ASTN2: variants seen among roughly 807,000 people sequenced by gnomAD.
The protein encoded by ASTN2 is astrotactin-2.
Under a neutral mutation model 139.8 loss-of-function variants are expected in ASTN2, and 54 were observed. The ratio of observed to expected loss-of-function variants is 0.39; its 90% CI spans 0.31 to 0.48. The LOEUF (loss-of-function observed/expected upper bound fraction) is 0.48. Among genes scored for constraint, ASTN2 ranks in the 20% least tolerant of loss-of-function variants. The probability of loss-of-function intolerance (pLI) is 0.95; values close to 1 mark genes in which losing one functional copy is unlikely to be tolerated. For synonymous variants in ASTN2, 756 were observed against 719.5 expected, an observed-to-expected ratio of 1.05 and a Z score of -0.81; for missense variants, 1,565 against 1,725.1, an observed-to-expected ratio of 0.91 and a Z score of 1.64.
chr9:117,109,289 T>A (rs113295990), intron 4 of ASTN2, among the ~76,000 whole-genome samples: 9,274 of 111,016 alleles, frequency 0.084, 610 homozygotes, highest in East Asian at 0.26. Context: ...CTCAAAAAAT[T>A]AATTAATAAA....
intron 4 of ASTN2, among the ~76,000 whole-genome samples, chr9:117,112,714 T>C (rs936880631): frequency 6.6e-6 from 1 of 151,958 alleles, no homozygotes; most frequent in Non-Finnish European, 1.5e-5. Flanking sequence ...AGGTCATAGA[T>C]AGAAAACAAA....
At position 116,733,449 on chromosome 9, in the gene ASTN2, T is replaced by C; in HGVS notation, c.2471A>G (p.Gln824Arg). 6.2e-7 allele frequency: 1 copy of C among 1,614,168 alleles called. No individual in the cohort carries two copies. Among genetic ancestry groups the C allele is most frequent in the East Asian group, 2.2e-5 (1 of 44,868 alleles). Residue 824 changes from glutamine to arginine, a missense_variant, in exon 14 of 23, where the codon CAG becomes CGG. By Grantham distance (43) the Gln-to-Arg change is conservative. Transcript: ENST00000313400. ...LLVIPLPVEE[Q>R]CRGVLSEPLP... ...GGGCTCGGAGAGGACCCCCCGGCAC[T>C]GCTCCTCCACCGGCAGCGGGATCAC...
At chr9:117,150,312 T>C (rs899561211) in intron 3 of ASTN2, among the ~76,000 whole-genome samples, 1 of 152,134 alleles carries the variant, frequency 6.6e-6, no homozygotes, top group Non-Finnish European at 1.5e-5. Context: ...GCAAAACACT[T>C]TCACCTCCCT....
chr9:117,410,120 A>C (rs1426366657), intron 1 of ASTN2, among the ~76,000 whole-genome samples: 1 of 152,192 alleles, frequency 6.6e-6, no homozygotes, highest in Non-Finnish European at 1.5e-5. Flanking sequence ...CAAATTACTA[A>C]AAAATGTTGA....
intron 5 of ASTN2, among the ~76,000 whole-genome samples, chr9:117,084,362 G>T (rs1050523563): frequency 1.3e-5 from 2 of 152,134 alleles, no homozygotes; most frequent in African/African-American, 4.8e-5. Flanking sequence ...ACCACAAACA[G>T]CTGAACATTT....
chr9:116,434,799 G>A (rs1423243810), intron 22 of ASTN2, among the ~76,000 whole-genome samples: 2 of 152,150 alleles, frequency 1.3e-5, no homozygotes. Context: ...TCTTCTTTGA[G>A]CAGCTGTTTG....
chr9:117,273,102 G>A lies in ASTN2; in HGVS notation c.630+18224C>T, dbSNP rs368669547. 1.1e-4 allele frequency among the ~76,000 whole-genome samples: 16 copies of A among 152,306 alleles called. No individual in the cohort carries two copies. The East Asian group carries it at 2.3e-3, about 22-fold the overall frequency. On this transcript the variant is annotated intron_variant, in intron 2 of 22. Coordinates refer to ENST00000313400, the MANE Select transcript of ASTN2 (RefSeq NM_001365068.1). ...TTTGACTTACAGTTCCACATGGCTGGGGATGTCTCTTAATCATGGTGGAGG... is the reference window on the plus strand; with the variant it reads ...TTTGACTTACAGTTCCACATGGCTGAGGATGTCTCTTAATCATGGTGGAGG...
chr9:116,702,887 T>G (rs1435544106), intron 16 of ASTN2, among the ~76,000 whole-genome samples: 1 of 152,172 alleles, frequency 6.6e-6, no homozygotes, highest in South Asian at 2.1e-4. Context: ...GCACTCTTAT[T>G]CCAATCAGTA....
At chr9:117,391,872 T>G (rs1207242267) in intron 1 of ASTN2, among the ~76,000 whole-genome samples, 1 of 152,096 alleles carries the variant, frequency 6.6e-6, no homozygotes, top group Non-Finnish European at 1.5e-5. Context: ...CCATTCCAAA[T>G]GGGAGAAATT....
intron 17 of ASTN2, among the ~76,000 whole-genome samples, chr9:116,636,466 GGA>G (rs1857078707): frequency 6.6e-6 from 1 of 152,140 alleles, no homozygotes; most frequent in Non-Finnish European, 1.5e-5. Context: ...CCTGAGGTCA[GGA>G]GTCCTAGACT....
rs1417968375 is a variant in ASTN2 at position 116,674,053 on chromosome 9, C to T, written c.2807-22260G>A. On this transcript the variant is annotated intron_variant, in intron 16 of 22. Transcript: ENST00000313400. ...TGGTAACAGCTCTTTCCAAAGCAGA[C>T]CTCCTTCTTGCCTGGGGACTAGATT... 5.1e-4 allele frequency among the ~76,000 whole-genome samples: 78 copies of T among 152,190 alleles called. 2 individuals are homozygous for T. The highest frequency in any genetic ancestry group is 7.3e-5 in the Non-Finnish European group (5 of 68,034).
intron 1 of ASTN2, among the ~76,000 whole-genome samples, chr9:117,310,409 G>A (rs554362850): frequency 6.8e-4 from 103 of 152,102 alleles, no homozygotes; most frequent in African/African-American, 2.1e-3. Flanking sequence ...CTTCCTTGGC[G>A]CTCGTCTTTC....
intron 7 of ASTN2, among the ~76,000 whole-genome samples, chr9:116,996,568 G>A (rs1837022542): frequency 2.0e-5 from 3 of 152,048 alleles, no homozygotes; most frequent in African/African-American, 7.2e-5. Context: ...ATAAGGAGGA[G>A]TGAACCAACT....
intron 1 of ASTN2, among the ~76,000 whole-genome samples, chr9:117,326,265 T>C (rs1380628100): frequency 6.6e-6 from 1 of 152,126 alleles, no homozygotes; most frequent in Non-Finnish European, 1.5e-5. Flanking sequence ...CTAATTTTAG[T>C]CCAGTGCCTT....
At chr9:116,946,944 A>AAAAC (rs1427233304) in intron 10 of ASTN2, among the ~76,000 whole-genome samples, 8 of 151,604 alleles carry the variant, frequency 5.3e-5, no homozygotes, top group Admixed American at 2.0e-4. Flanking sequence ...GTCAAAAAAA[A>AAAAC]AAAAAAACAA....
At chr9:117,004,118 T>A (rs1284191898) in intron 7 of ASTN2, among the ~76,000 whole-genome samples, 2 of 151,908 alleles carry the variant, frequency 1.3e-5, no homozygotes, top group Non-Finnish European at 2.9e-5. Flanking sequence ...GTTGGGCTAT[T>A]TATTTATTGA....
intron 13 of ASTN2, among the ~76,000 whole-genome samples, chr9:116,797,058 C>A (rs1325889076): frequency 6.6e-6 from 1 of 151,818 alleles, no homozygotes; most frequent in Non-Finnish European, 1.5e-5. Context: ...TGGCCTCAAG[C>A]AATCTTCCCA....
intron 12 of ASTN2, among the ~76,000 whole-genome samples, chr9:116,812,963 G>A (rs577178763): frequency 1.3e-5 from 2 of 152,148 alleles, no homozygotes; most frequent in Admixed American, 6.5e-5. Context: ...CTCCCCCGCC[G>A]AGCCACCTAA....
At chr9:117,365,822 A>G (rs1829829370) in intron 1 of ASTN2, among the ~76,000 whole-genome samples, 1 of 152,216 alleles carries the variant, frequency 6.6e-6, no homozygotes, top group African/African-American at 2.4e-5. Context: ...TGTATTGGAC[A>G]GTGGAAATGC....
Sources: gnomAD v4.1 joint callset for allele counts (sites outside exome capture counted in the v4.1 genomes callset) on GRCh38, gnomAD v4.1.1 for gene constraint, MANE v1.5 for transcripts, NCBI Gene and HGNC (gene_info 2026-07-23, HGNC 2026-07-21) for gene names.